Variants in SLFN14 observed in about 807,000 individuals in gnomAD.
The protein encoded by SLFN14 is schlafen family member 14, also known as protein SLFN14.
A neutral mutation model predicts 58.6 loss-of-function variants in SLFN14; 47 were observed. The observed-to-expected ratio is 0.80, with a 90% CI of 0.64 to 1.02. The LOEUF (loss-of-function observed/expected upper bound fraction) is 1.02, where lower values mean the gene tolerates loss of function less well. Ranked by LOEUF, SLFN14 falls within the 50% of genes least tolerant of loss-of-function variation. SLFN14 has a pLI of 0.00. For missense variants in SLFN14, 967 were observed against 1,078.4 expected, an observed-to-expected ratio of 0.90 and a Z score of 1.45; for synonymous variants, 390 against 387.3, an observed-to-expected ratio of 1.01 and a Z score of -0.08.
intron 2 of SLFN14, among the ~76,000 whole-genome samples, chr17:35,558,543 T>G (rs919352423): frequency 6.6e-6 from 1 of 152,094 alleles, no homozygotes; most frequent in African/African-American, 2.4e-5. Context: ...ATTACAGATG[T>G]GAGCCACCGC....
chr17:35,545,158 ATTC>A lies in SLFN14; in HGVS notation c.*3078_*3080del, dbSNP rs145261224. 0.024 allele frequency among the ~76,000 whole-genome samples: 3,611 copies of A among 152,256 alleles called. 126 individuals are homozygous for A. Among genetic ancestry groups the A allele is most frequent in the East Asian group, 0.18 (909 of 5,170 alleles). ...ATTGAGTTGCCTTTATTGTTCCCTT[ATTC>A]TTCATTATTACAGTGTTAAAGATTA... On this transcript the variant is annotated 3_prime_UTR_variant, in exon 6 of 6. Coordinates refer to ENST00000674182, the MANE Select transcript of SLFN14 (RefSeq NM_001129820.2).
chr17:35,544,542 T>C lies in SLFN14; in HGVS notation c.*3697A>G, dbSNP rs2072521031. On this transcript the variant is annotated 3_prime_UTR_variant, in exon 6 of 6. Coordinates refer to ENST00000674182, the MANE Select transcript of SLFN14 (RefSeq NM_001129820.2). ...TGATTTAAGAACTTTTTTTTTTTTT[T>C]TTTGAGACAGAGTTTCACTCTTGTT... 6.6e-6 allele frequency among the ~76,000 whole-genome samples: 1 copy of C among 152,006 alleles called. No homozygotes were observed. The highest frequency in any genetic ancestry group is 1.9e-4 in the East Asian group (1 of 5,184).
At chr17:35,551,758 G>T (rs938413303) in intron 5 of SLFN14, among the ~76,000 whole-genome samples, 2 of 151,344 alleles carry the variant, frequency 1.3e-5, no homozygotes, top group Non-Finnish European at 1.5e-5. Context: ...TTTAGGGGAA[G>T]AATGCTGTTA....
chr17:35,560,343 T>C (rs1485835919), intron 1 of SLFN14, among the ~76,000 whole-genome samples: 1 of 152,260 alleles, frequency 6.6e-6, no homozygotes, highest in Non-Finnish European at 1.5e-5. Flanking sequence ...TTTTCTTTTT[T>C]TGAGACAGAG....
intron 4 of SLFN14, among the ~76,000 whole-genome samples, 186 bp downstream of exon 4, chr17:35,554,390 C>A: frequency 2.1e-5 from 3 of 141,826 alleles, no homozygotes; most frequent in Admixed American, 7.1e-5. Flanking sequence ...TATATATGAC[C>A]CTTGTTTTCA....
chr17:35,549,161 A>T, intron 5 of SLFN14, 88 bp from the exon 6 acceptor site: 1 of 1,029,408 alleles, frequency 9.7e-7, no homozygotes, highest in Non-Finnish European at 1.4e-6. Flanking sequence ...TCAGAGGCTG[A>T]TTCTCATCTG....
intron 5 of SLFN14, among the ~76,000 whole-genome samples, chr17:35,550,976 G>A (rs1043319484): frequency 2.6e-5 from 4 of 152,002 alleles, no homozygotes; most frequent in African/African-American, 9.7e-5. Flanking sequence ...CAAACAGAAA[G>A]TATACTTAAA....
chr17:35,560,078 TC>T (rs79521795), intron 1 of SLFN14, among the ~76,000 whole-genome samples: 3,654 of 152,296 alleles, frequency 0.024, 134 homozygotes, highest in East Asian at 0.18. Flanking sequence ...AAATAGTCCC[TC>T]TAGTCCCTTC....
At chr17:35,556,953 GA>G in intron 3 of SLFN14, 49 bp downstream of exon 3, 1 of 1,468,144 alleles carries the variant, frequency 6.8e-7, no homozygotes, top group South Asian at 1.4e-5. Context: ...AAAAGGCAGA[GA>G]AAGGGGTTCC....
chr17:35,553,405 C>T lies in SLFN14; in HGVS notation c.1229G>A (p.Cys410Tyr). Residue 410 changes from cysteine to tyrosine, a missense_variant, in exon 5 of 6, where the codon TGT becomes TAT. By Grantham distance (194) the Cys-to-Tyr change is radical (BLOSUM62 -2). Coordinates refer to ENST00000674182, the MANE Select transcript of SLFN14 (RefSeq NM_001129820.2). ...EEVQFKPESLCKKLFSDHKEL... is the reference protein window; with the variant it reads ...EEVQFKPESLYKKLFSDHKEL... ...TTTATGATCTGAGAACAGCTTCTTA[C>T]AGAGGGATTCTGGTTTAAATTGTAC... The T allele has an allele frequency of 6.4e-7, 1 of 1,550,790 alleles. No individual in the cohort carries two copies. Among genetic ancestry groups the T allele is most frequent in the South Asian group, 1.2e-5 (1 of 83,934 alleles).
intron 3 of SLFN14, among the ~76,000 whole-genome samples, chr17:35,555,402 A>C (rs1288222965): frequency 1.3e-5 from 2 of 151,632 alleles, no homozygotes; most frequent in Admixed American, 1.3e-4. Context: ...AAAAATACAA[A>C]AATTAGCTGG....
chr17:35,554,548 C>T, intron 4 of SLFN14, 28 bp downstream of exon 4: 1 of 1,509,706 alleles, frequency 6.6e-7, no homozygotes, highest in Non-Finnish European at 8.9e-7. Flanking sequence ...AACAAATAGT[C>T]CCCTAAGTTG....
chr17:35,544,005 T>A lies in SLFN14; in HGVS notation c.*4234A>T. ...TCTCAGTCATTAAATAATAAGCTTT[T>A]ATTTCTCATTCATGCACTTTCAGAT... is the stretch of plus-strand genomic sequence containing the variant. On this transcript the variant is annotated 3_prime_UTR_variant, in exon 6 of 6. Coordinates refer to ENST00000674182, the MANE Select transcript of SLFN14 (RefSeq NM_001129820.2). Among the ~76,000 whole-genome samples the A allele has an allele frequency of 6.6e-6, 1 of 152,238 alleles. No individual in the cohort carries two copies. Among genetic ancestry groups the A allele is most frequent in the East Asian group, 1.9e-4 (1 of 5,204 alleles).
At chr17:35,551,825 A>G (rs866302426) in intron 5 of SLFN14, among the ~76,000 whole-genome samples, 2 of 152,240 alleles carry the variant, frequency 1.3e-5, no homozygotes, top group South Asian at 4.1e-4. Flanking sequence ...GAGATCGAAT[A>G]CAACGTAGAG....
rs1276047421 is a variant in SLFN14 at position 35,547,538 on chromosome 17, C to T, written c.*701G>A. 6.6e-6 allele frequency among the ~76,000 whole-genome samples: 1 copy of T among 152,204 alleles called. No homozygotes were observed. The highest frequency in any genetic ancestry group is 1.5e-5 in the Non-Finnish European group (1 of 68,046). The stretch of plus-strand genomic sequence containing the variant: ...GACCCACTTATGACTATGGTCCTCA[C>T]TATAAATTAACAGAGTAACATTTTG... On this transcript the variant is annotated 3_prime_UTR_variant, in exon 6 of 6. Transcript: ENST00000674182.
At chr17:35,558,823 C>T (rs1250017578) in intron 2 of SLFN14, among the ~76,000 whole-genome samples, 1 of 152,022 alleles carries the variant, frequency 6.6e-6, no homozygotes, top group African/African-American at 2.4e-5. Context: ...AGAAGATGCT[C>T]TTATTTATAA....
intron 3 of SLFN14, among the ~76,000 whole-genome samples, chr17:35,555,617 T>G (rs1443388441): frequency 6.6e-6 from 1 of 151,148 alleles, no homozygotes; most frequent in Non-Finnish European, 1.5e-5. Context: ...GAATCAAAAG[T>G]GGCAGGATCT....
chr17:35,560,726 A>T (rs1442970480), intron 1 of SLFN14, among the ~76,000 whole-genome samples, 41 bp downstream of exon 1: 1 of 150,818 alleles, frequency 6.6e-6, no homozygotes, highest in African/African-American at 2.4e-5. Flanking sequence ...CTAAAATTAG[A>T]TAAATGAGAT....
In SLFN14 at chr17:35,555,960, C is replaced by G. The variant is rs936088453; in HGVS notation, c.1060+1043G>C. Among the ~76,000 whole-genome samples, 23 of 152,272 alleles carry G rather than the reference C, an allele frequency of 1.5e-4. No individual in the cohort carries two copies. In the East Asian group the frequency reaches 2.9e-3, roughly 19 times the overall value. On this transcript the variant is annotated intron_variant, in intron 3 of 5. Coordinates refer to ENST00000674182, the MANE Select transcript of SLFN14 (RefSeq NM_001129820.2). ...TTATTAGCTCCTAATGTTACTGAAA[C>G]AATTCAAATTTGTCAACAATGTTTT...
Sources: gnomAD v4.1 joint callset for allele counts (sites outside exome capture counted in the v4.1 genomes callset) on GRCh38, gnomAD v4.1.1 for gene constraint, MANE v1.5 for transcripts, NCBI Gene and HGNC (gene_info 2026-07-23, HGNC 2026-07-21) for gene names.